Variants in SAMD4A observed in about 807,000 individuals in gnomAD.
The protein encoded by SAMD4A is protein Smaug homolog 1.
A neutral mutation model predicts 81.3 loss-of-function variants in SAMD4A; 33 were observed. The ratio of observed to expected loss-of-function variants is 0.41; its 90% CI spans 0.31 to 0.54. SAMD4A has a LOEUF of 0.54. Ranked by LOEUF, SAMD4A falls within the 20% of genes least tolerant of loss-of-function variation. The pLI, the probability that SAMD4A is intolerant of heterozygous loss-of-function variation, is 0.37. For synonymous variants in SAMD4A, 389 were observed against 382.1 expected (o/e 1.02, Z -0.21); for missense variants, 854 against 951.1 (o/e 0.90, Z 1.34).
intron 4 of SAMD4A, among the ~76,000 whole-genome samples, chr14:54,746,382 A>G (rs2037968121): frequency 6.6e-6 from 1 of 152,220 alleles, no homozygotes; most frequent in Non-Finnish European, 1.5e-5. Flanking sequence ...GAATGCATCT[A>G]GAAGTAACTC....
At chr14:54,733,502 A>G (rs2037611009) in intron 3 of SAMD4A, among the ~76,000 whole-genome samples, 1 of 152,148 alleles carries the variant, frequency 6.6e-6, no homozygotes, top group Admixed American at 6.5e-5. Context: ...AATATAATGA[A>G]TCCATCCTGA....
At chr14:54,710,873 G>A (rs536221510) in intron 3 of SAMD4A, among the ~76,000 whole-genome samples, 1 of 152,330 alleles carries the variant, frequency 6.6e-6, no homozygotes, top group South Asian at 2.1e-4. Flanking sequence ...CTGGGATAAT[G>A]TGTGGCTCAA....
At chr14:54,710,274 G>A (rs1441443908) in intron 3 of SAMD4A, among the ~76,000 whole-genome samples, 1 of 152,030 alleles carries the variant, frequency 6.6e-6, no homozygotes, top group Non-Finnish European at 1.5e-5. Context: ...TGGTACCATA[G>A]AAGATAAAAA....
chr14:54,566,762 C>T (rs2032949785), upstream of SAMD4A, among the ~76,000 whole-genome samples: 1 of 151,906 alleles, frequency 6.6e-6, no homozygotes, highest in East Asian at 1.9e-4. Flanking sequence ...CGCACACACA[C>T]ACGCACACGC....
rs569288025 is a variant in SAMD4A at position 54,635,298 on chromosome 14, A to G, written c.197-66764A>G. On this transcript the variant is annotated intron_variant, in intron 2 of 12. Transcript: ENST00000554335. ...AAATTAGCTGGGCATGGTGGCAGGCACCTGTAATCTCAGCTACTCAGGAGG... is the reference window on the plus strand; with the variant it reads ...AAATTAGCTGGGCATGGTGGCAGGCGCCTGTAATCTCAGCTACTCAGGAGG... Among the ~76,000 whole-genome samples, 564 of 148,704 alleles carry G rather than the reference A, an allele frequency of 3.8e-3. 6 individuals are homozygous for G. Among genetic ancestry groups the G allele is most frequent in the African/African-American group, 0.014 (522 of 38,390 alleles).
In SAMD4A at chr14:54,789,157, A is replaced by T. The variant is rs1270574267; in HGVS notation, c.*213A>T. The T allele has an allele frequency of 9.1e-4, 349 of 385,154 alleles. No homozygotes were observed. Among genetic ancestry groups the T allele is most frequent in the East Asian group, 1.7e-3 (25 of 14,538 alleles). The allele number at this position is 385,154 out of a possible 1,614,324, so 23.9% of individuals were successfully genotyped here. A position where few individuals can be genotyped will look rare whatever the true frequency, so the allele number is the denominator to read the frequency against. On this transcript the variant is annotated 3_prime_UTR_variant, in exon 13 of 13. Coordinates refer to ENST00000554335, the MANE Select transcript of SAMD4A (RefSeq NM_015589.6). ...GGTTATTTTGTCATTTGTTTCTGTCATGGGATGGTTTGGTGTGTGGGGTGG... is the reference window on the plus strand; with the variant it reads ...GGTTATTTTGTCATTTGTTTCTGTCTTGGGATGGTTTGGTGTGTGGGGTGG...
chr14:54,776,854 TAG>T (rs890077265), intron 11 of SAMD4A, among the ~76,000 whole-genome samples: 4 of 94,128 alleles, frequency 4.2e-5, no homozygotes, highest in African/African-American at 1.1e-4. Context: ...GCTCCATGTG[TAG>T]TGTGTGTGTG....
chr14:54,679,953 C>G (rs1349214636), intron 2 of SAMD4A, among the ~76,000 whole-genome samples: 1 of 152,196 alleles, frequency 6.6e-6, no homozygotes, highest in Non-Finnish European at 1.5e-5. Context: ...GGATAGTGAC[C>G]TCGAGGATTT....
chr14:54,683,697 G>A (rs2140590840), intron 2 of SAMD4A, among the ~76,000 whole-genome samples: 1 of 152,334 alleles, frequency 6.6e-6, no homozygotes, highest in South Asian at 2.1e-4. Flanking sequence ...GTGATCATTT[G>A]AGCCATAAAG....
intron 6 of SAMD4A, among the ~76,000 whole-genome samples, chr14:54,754,588 G>A (rs1222086388): frequency 6.6e-6 from 1 of 152,142 alleles, no homozygotes; most frequent in Non-Finnish European, 1.5e-5. Context: ...GCTTTGCAAG[G>A]GAGTGAGTTG....
intron 3 of SAMD4A, chr14:54,702,906 G>A: frequency 3.5e-6 from 1 of 281,772 alleles, no homozygotes; most frequent in Non-Finnish European, 6.7e-6. Flanking sequence ...TCACCCTGGG[G>A]TTTTGGATTT....
chr14:54,650,595 T>C (rs556105110), intron 2 of SAMD4A, among the ~76,000 whole-genome samples: 2 of 152,280 alleles, frequency 1.3e-5, no homozygotes, highest in Non-Finnish European at 2.9e-5. Context: ...AACACTGGTT[T>C]CCCCAGCCCC....
chr14:54,640,436 G>A (rs1023324785), intron 2 of SAMD4A, among the ~76,000 whole-genome samples: 6 of 152,190 alleles, frequency 3.9e-5, no homozygotes, highest in Admixed American at 3.9e-4. Context: ...ACATTGTCAG[G>A]ATTTATAGAT....
chr14:54,704,131 A>G (rs2036792648), intron 3 of SAMD4A, among the ~76,000 whole-genome samples: 1 of 152,204 alleles, frequency 6.6e-6, no homozygotes, highest in African/African-American at 2.4e-5. Flanking sequence ...CATTATGGGA[A>G]TTAGGTGATT....
chr14:54,788,859 G>A (rs2039207669), intron 12 of SAMD4A, 57 bp from the exon 13 acceptor site: 4 of 1,611,484 alleles, frequency 2.5e-6, no homozygotes. Context: ...GCATAGGTGG[G>A]CACGAACTGG....
rs190970430 is a variant in SAMD4A at position 54,625,629 on chromosome 14, T to C, written c.196+57517T>C. On this transcript the variant is annotated intron_variant, in intron 2 of 12. Coordinates refer to ENST00000554335, the MANE Select transcript of SAMD4A (RefSeq NM_015589.6). ...ACCTCTTTAAAAATGTGTCCCCATA[T>C]TTGCAAGTTTCTCAGAGAAAGGGCC... is the stretch of plus-strand genomic sequence containing the variant. Among the ~76,000 whole-genome samples, 6 of 152,318 alleles carry C rather than the reference T, an allele frequency of 3.9e-5. No homozygotes were observed. The East Asian group carries it at 1.2e-3, about 29-fold the overall frequency.
At chr14:54,614,256 A>G (rs1383149822) in intron 2 of SAMD4A, among the ~76,000 whole-genome samples, 20 of 152,242 alleles carry the variant, frequency 1.3e-4, no homozygotes, top group Non-Finnish European at 2.8e-4. Flanking sequence ...TTATGTTAAC[A>G]TATAATGGGG....
intron 2 of SAMD4A, among the ~76,000 whole-genome samples, chr14:54,587,423 T>G (rs1388922577): frequency 1.3e-5 from 2 of 152,182 alleles, no homozygotes; most frequent in Non-Finnish European, 2.9e-5. Flanking sequence ...CTGATGTCTT[T>G]CTCTTGTTTG....
chr14:54,595,431 T>A (rs958134981), intron 2 of SAMD4A, among the ~76,000 whole-genome samples: 1 of 148,008 alleles, frequency 6.8e-6, no homozygotes, highest in Non-Finnish European at 1.5e-5. Context: ...ATATATATAT[T>A]ATTATAATAT....
Sources: gnomAD v4.1 joint callset for allele counts (sites outside exome capture counted in the v4.1 genomes callset) on GRCh38, gnomAD v4.1.1 for gene constraint, MANE v1.5 for transcripts, NCBI Gene and HGNC (gene_info 2026-07-23, HGNC 2026-07-21) for gene names.